ZC3H12B: variants seen among roughly 807,000 people sequenced by gnomAD.
ZC3H12B encodes probable ribonuclease ZC3H12B.
ZC3H12B carries 7 observed loss-of-function variants against 43.9 expected under a neutral mutation model. That is an observed-to-expected ratio of 0.16 (90% CI 0.09 to 0.30). ZC3H12B has a LOEUF of 0.30. ZC3H12B is among the 10% of genes least tolerant of loss of function. ZC3H12B has a pLI of 1.00. For missense variants in ZC3H12B, 475 were observed against 670.2 expected, an observed-to-expected ratio of 0.71 and a Z score of 3.22; for synonymous variants, 222 against 241.7, an observed-to-expected ratio of 0.92 and a Z score of 0.76.
chrX:65,271,644 T>C, the ZC3H12B span: 1 of 112,184 alleles, frequency 8.9e-6, no homozygotes, highest in Non-Finnish European at 1.9e-5. Flanking sequence ...AAGAAGAGTA[T>C]CTTGGTTATC....
At chrX:65,089,627 A>AT in the ZC3H12B span, among the ~76,000 whole-genome samples, 4 of 112,183 alleles carry the variant, frequency 3.6e-5, no homozygotes, top group African/African-American at 1.3e-4. Flanking sequence ...TTAGTATAAC[A>AT]TTTTTACTTT....
intron 3 of ZC3H12B, among the ~76,000 whole-genome samples, chrX:65,480,662 C>T (rs2068051596): frequency 9.0e-6 from 1 of 111,185 alleles, no homozygotes; most frequent in Non-Finnish European, 1.9e-5. Flanking sequence ...GCCTGACCAA[C>T]ATGGCGAAAC....
the ZC3H12B span, among the ~76,000 whole-genome samples, chrX:65,051,815 C>T: frequency 9.1e-6 from 1 of 110,200 alleles, no homozygotes; most frequent in Admixed American, 9.8e-5. Flanking sequence ...GGATAGGAAA[C>T]TTTTAAGAAA....
chrX:65,184,031 G>A, the ZC3H12B span, among the ~76,000 whole-genome samples: 3 of 111,068 alleles, frequency 2.7e-5, no homozygotes, highest in African/African-American at 9.8e-5. Flanking sequence ...AATTCCAGGT[G>A]AGGTTGAACT....
At chrX:65,265,142 A>G in the ZC3H12B span, among the ~76,000 whole-genome samples, 7 of 112,209 alleles carry the variant, frequency 6.2e-5, no homozygotes, top group South Asian at 2.6e-3. Context: ...TGTACATTTT[A>G]TCTTCTGACG....
At chrX:65,269,440 A>C in the ZC3H12B span, among the ~76,000 whole-genome samples, 1 of 111,409 alleles carries the variant, frequency 9.0e-6, no homozygotes, top group Non-Finnish European at 1.9e-5. Context: ...AAAATAAATC[A>C]AGAGTGCAAT....
At chrX:65,073,216 A>C in the ZC3H12B span, among the ~76,000 whole-genome samples, 2 of 112,895 alleles carry the variant, frequency 1.8e-5, no homozygotes, top group African/African-American at 6.4e-5. Flanking sequence ...ATGCACACAC[A>C]TACGCTGGTG....
the ZC3H12B span, among the ~76,000 whole-genome samples, chrX:65,160,431 G>A: frequency 8.9e-6 from 1 of 111,735 alleles, no homozygotes; most frequent in East Asian, 2.8e-4. Context: ...TATTGCCACA[G>A]CTTCAGAGCC....
chrX:65,077,725 T>C, the ZC3H12B span, among the ~76,000 whole-genome samples: 2 of 111,714 alleles, frequency 1.8e-5, no homozygotes, highest in Non-Finnish European at 3.8e-5. Context: ...GTTAAATTTG[T>C]TTTTGTTTTT....
exon 5 of ZC3H12B, chrX:65,503,413 G>A (rs903439661): frequency 1.9e-5 from 7 of 370,439 alleles, no homozygotes; most frequent in Non-Finnish European, 2.3e-5. Context: ...GTGAAATTAA[G>A]TGGCTAGCCA....
At chrX:65,233,559 TAAAAC>T in the ZC3H12B span, among the ~76,000 whole-genome samples, 5 of 105,220 alleles carry the variant, frequency 4.8e-5, no homozygotes, top group African/African-American at 1.7e-4. Flanking sequence ...CAATGAAAAT[TAAAAC>T]AAAACATACC....
At chrX:65,328,907 C>T in the ZC3H12B span, among the ~76,000 whole-genome samples, 1 of 109,982 alleles carries the variant, frequency 9.1e-6, no homozygotes, top group African/African-American at 3.3e-5. Flanking sequence ...CATAGTATTC[C>T]ATGGTGTATA....
the ZC3H12B span, among the ~76,000 whole-genome samples, chrX:65,066,769 A>T: frequency 8.9e-6 from 1 of 111,974 alleles, no homozygotes; most frequent in African/African-American, 3.2e-5. Flanking sequence ...GCTCTGTCCC[A>T]GGGTGATGGG....
At chrX:65,333,105 T>C in the ZC3H12B span, among the ~76,000 whole-genome samples, 3 of 111,423 alleles carry the variant, frequency 2.7e-5, no homozygotes, top group South Asian at 3.8e-4. Flanking sequence ...TAATATAAAC[T>C]TGGGGCTCCT....
the ZC3H12B span, among the ~76,000 whole-genome samples, chrX:65,205,933 AG>A: frequency 8.9e-6 from 1 of 111,930 alleles, no homozygotes; most frequent in Non-Finnish European, 1.9e-5. Context: ...CTGCAAAAAA[AG>A]TAAAATACTT....
chrX:65,124,172 C>T, the ZC3H12B span, among the ~76,000 whole-genome samples: 1 of 110,492 alleles, frequency 9.1e-6, no homozygotes, highest in Non-Finnish European at 1.9e-5. Flanking sequence ...CATGCTATGC[C>T]AATTTTGCTG....
the ZC3H12B span, among the ~76,000 whole-genome samples, chrX:65,122,685 G>A: frequency 2.4e-3 from 263 of 111,174 alleles, 1 homozygote; most frequent in African/African-American, 8.1e-3. Flanking sequence ...AAGGGATGGA[G>A]GAAGATCTAC....
chrX:65,362,170 G>A (rs981444421), upstream of ZC3H12B, among the ~76,000 whole-genome samples: 3 of 111,789 alleles, frequency 2.7e-5, no homozygotes, highest in African/African-American at 9.8e-5. Context: ...AGATCTTCTC[G>A]GCTTAGTGGC....
At chrX:65,371,943 G>T (rs1000506162) in intron 2 of ZC3H12B, among the ~76,000 whole-genome samples, 1 of 111,368 alleles carries the variant, frequency 9.0e-6, no homozygotes, top group African/African-American at 3.3e-5. Flanking sequence ...CCAACCAAAA[G>T]TAATTGCAAA....
Sources: gnomAD v4.1 joint callset for allele counts (sites outside exome capture counted in the v4.1 genomes callset) on GRCh38, gnomAD v4.1.1 for gene constraint, MANE v1.5 for transcripts, NCBI Gene and HGNC (gene_info 2026-07-23, HGNC 2026-07-21) for gene names.